SMIM26: variants seen among roughly 807,000 people sequenced by gnomAD.
The protein encoded by SMIM26 is small integral membrane protein 26.
Under a neutral mutation model 2.5 loss-of-function variants are expected in SMIM26, and 2 were observed. That is an observed-to-expected ratio of 0.80 (90% CI 0.33 to 2.53). The LOEUF is 2.53. Ranked by LOEUF, SMIM26 falls within the 30% of genes most tolerant of loss-of-function variation. The probability of loss-of-function intolerance (pLI) is 0.11; values close to 1 mark genes in which losing one functional copy is unlikely to be tolerated. For synonymous variants in SMIM26, 32 were observed against 17.8 expected (o/e 1.80, Z -2.01); for missense variants, 77 against 46.1 (o/e 1.67, Z -1.94).
chr20:18,569,568 C>CT, downstream of SMIM26: 1 of 524,026 alleles, frequency 1.9e-6, no homozygotes, highest in Admixed American at 3.4e-5. Context: ...AAACTATCTG[C>CT]GTTTTCTTTT....
chr20:18,567,477 C>G lies in SMIM26; in HGVS notation c.-2C>G, dbSNP rs1403094367. 6 of 703,066 alleles carry G rather than the reference C, an allele frequency of 8.5e-6. No individual in the cohort carries two copies. Among genetic ancestry groups the G allele is most frequent in the South Asian group, 5.9e-5 (4 of 67,598 alleles). 43.6% of individuals were successfully genotyped at this position (703,066 alleles called of 1,614,324 possible). A position where few individuals can be genotyped will look rare whatever the true frequency, so the allele number is the denominator to read the frequency against. On this transcript the variant is annotated 5_prime_UTR_variant, in exon 1 of 2. Coordinates refer to ENST00000411646, the MANE Select transcript of SMIM26 (RefSeq NM_001348957.2). ...AGAATCGAGGCACTCGCTGGCGTACCCATGTATCGAAATGAGTTCACGGCC... is the reference window on the plus strand; with the variant it reads ...AGAATCGAGGCACTCGCTGGCGTACGCATGTATCGAAATGAGTTCACGGCC...
In SMIM26 at chr20:18,567,466, C is replaced by G. The variant is rs1178677250; in HGVS notation, c.-13C>G. On this transcript the variant is annotated 5_prime_UTR_variant, in exon 1 of 2. Coordinates refer to ENST00000411646, the MANE Select transcript of SMIM26 (RefSeq NM_001348957.2). ...GTGGGCCTGCGAGAATCGAGGCACT[C>G]GCTGGCGTACCCATGTATCGAAATG... is the stretch of plus-strand genomic sequence containing the variant. 19 of 702,944 alleles carry G rather than the reference C, an allele frequency of 2.7e-5. No homozygotes were observed. Among genetic ancestry groups the G allele is most frequent in the African/African-American group, 5.2e-5 (3 of 57,280 alleles). 43.5% of individuals were successfully genotyped at this position (702,944 alleles called of 1,614,324 possible). A position where few individuals can be genotyped will look rare whatever the true frequency, so the allele number is the denominator to read the frequency against.
rs1284867553 is a variant in SMIM26, at chr20:18,569,464, C to T, written c.*59C>T. ...TCAACATTTAAATTTGATAGTTGCCCTGATTCCCATTTTGGGTTTGTGAAA... is the reference window on the plus strand; with the variant it reads ...TCAACATTTAAATTTGATAGTTGCCTTGATTCCCATTTTGGGTTTGTGAAA... On this transcript the variant is annotated 3_prime_UTR_variant, in exon 2 of 2. Transcript: ENST00000411646. 3 of 702,422 alleles carry T rather than the reference C, an allele frequency of 4.3e-6. No individual in the cohort carries two copies. The highest frequency in any genetic ancestry group is 7.8e-6 in the Non-Finnish European group (3 of 384,858). The allele number at this position is 702,422 out of a possible 1,614,324, so 43.5% of individuals were successfully genotyped here. A position where few individuals can be genotyped will look rare whatever the true frequency, so the allele number is the denominator to read the frequency against.
intron 1 of SMIM26, among the ~76,000 whole-genome samples, chr20:18,567,994 C>G (rs151314111): frequency 1.3e-5 from 2 of 152,082 alleles, no homozygotes; most frequent in Non-Finnish European, 2.9e-5. Flanking sequence ...TTAAAATCTT[C>G]CAGTTACTAA....
intron 1 of SMIM26, among the ~76,000 whole-genome samples, chr20:18,567,995 CA>C (rs1470637202): frequency 1.3e-5 from 2 of 151,994 alleles, no homozygotes; most frequent in African/African-American, 2.4e-5. Context: ...TAAAATCTTC[CA>C]GTTACTAAGC....
At chr20:18,567,702 T>G in intron 1 of SMIM26, 106 bp downstream of exon 1, 1 of 666,242 alleles carries the variant, frequency 1.5e-6, no homozygotes, top group Non-Finnish European at 2.7e-6. Flanking sequence ...AGGTTTATTC[T>G]GCAAAACTAA....
chr20:18,568,554 A>G (rs970741277), intron 1 of SMIM26: 1 of 151,354 alleles, frequency 6.6e-6, no homozygotes, highest in Non-Finnish European at 1.5e-5. Flanking sequence ...AATACTTTAC[A>G]TTTATATATA....
Position 18,569,505 on chromosome 20 carries a change from A to C in SMIM26, c.*100A>C. The C allele has an allele frequency of 1.4e-6, 1 of 694,308 alleles. No homozygotes were observed. Among genetic ancestry groups the C allele is most frequent in the East Asian group, 2.7e-5 (1 of 37,032 alleles). 43.0% of individuals were successfully genotyped at this position (694,308 alleles called of 1,614,324 possible). ...GTTTGTGAAAAGTGTATGTATTTAA[A>C]TTTGCTGTAAAACATAATCACTAAT... On this transcript the variant is annotated 3_prime_UTR_variant, in exon 2 of 2. Coordinates refer to ENST00000411646, the MANE Select transcript of SMIM26 (RefSeq NM_001348957.2).
Position 18,567,498 on chromosome 20 carries a change from C to T in SMIM26, c.20C>T (p.Thr7Met). 2.8e-6 allele frequency: 2 copies of T among 703,082 alleles called. No homozygotes were observed. Among genetic ancestry groups the T allele is most frequent in the African/African-American group, 1.7e-5 (1 of 57,396 alleles). 43.6% of individuals were successfully genotyped at this position (703,082 alleles called of 1,614,324 possible). The change falls in exon 1 of 2, where the codon ACG becomes ATG. Residue 7 changes from threonine (T) to methionine (M), a missense_variant. Physicochemically the swap from Thr to Met is moderately conservative, Grantham distance 81. Transcript: ENST00000411646. ...GTACCCATGTATCGAAATGAGTTCA[C>T]GGCCTGGTACCGGCGGATGTCGGTG... MYRNEF[T>M]AWYRRMSVVY... is the part of the protein sequence containing the mutation.
intron 1 of SMIM26, 45 bp downstream of exon 1, chr20:18,567,641 ATG>A (rs2060518378): frequency 4.4e-6 from 3 of 687,760 alleles, no homozygotes; most frequent in Non-Finnish European, 5.3e-6. Context: ...ACGGCCTTCG[ATG>A]AGAGTTCCCC....
In SMIM26 at chr20:18,567,612, G is replaced by C. The variant is rs1315996531; in HGVS notation, c.118+16G>C. The C allele has an allele frequency of 2.8e-6, 2 of 702,982 alleles. No individual in the cohort carries two copies. Among genetic ancestry groups the C allele is most frequent in the East Asian group, 2.7e-5 (1 of 37,282 alleles). 43.5% of individuals were successfully genotyped at this position (702,982 alleles called of 1,614,324 possible). A position where few individuals can be genotyped will look rare whatever the true frequency, so the allele number is the denominator to read the frequency against. ...AAGTCGTCAGGTAGGGCTCTTCGGC[G>C]GGGCCTGCCCCGGAACACACGGCCT... On this transcript the variant is annotated intron_variant, in intron 1 of 1. Coordinates refer to ENST00000411646, the MANE Select transcript of SMIM26 (RefSeq NM_001348957.2).
rs1403094367 is a variant in SMIM26 at position 18,567,477 on chromosome 20, C to T, written c.-2C>T. On this transcript the variant is annotated 5_prime_UTR_variant, in exon 1 of 2. Coordinates refer to ENST00000411646, the MANE Select transcript of SMIM26 (RefSeq NM_001348957.2). ...AGAATCGAGGCACTCGCTGGCGTAC[C>T]CATGTATCGAAATGAGTTCACGGCC... 4.3e-6 allele frequency: 3 copies of T among 702,948 alleles called. No individual in the cohort carries two copies. The highest frequency in any genetic ancestry group is 1.5e-5 in the South Asian group (1 of 67,602). 43.5% of individuals were successfully genotyped at this position (702,948 alleles called of 1,614,324 possible).
rs2060524777 is a variant in SMIM26 at position 18,569,500 on chromosome 20, T to C, written c.*95T>C. On this transcript the variant is annotated 3_prime_UTR_variant, in exon 2 of 2. Coordinates refer to ENST00000411646, the MANE Select transcript of SMIM26 (RefSeq NM_001348957.2). ...TTTGGGTTTGTGAAAAGTGTATGTA[T>C]TTAAATTTGCTGTAAAACATAATCA... The C allele has an allele frequency of 1.4e-6, 1 of 696,390 alleles. No individual in the cohort carries two copies. The highest frequency in any genetic ancestry group is 2.6e-6 in the Non-Finnish European group (1 of 382,028). The allele number at this position is 696,390 out of a possible 1,614,324, so 43.1% of individuals were successfully genotyped here.
intron 1 of SMIM26, chr20:18,568,524 T>A (rs990791567): frequency 1.3e-5 from 2 of 151,174 alleles, no homozygotes; most frequent in Non-Finnish European, 2.9e-5. Context: ...ATATTTACTT[T>A]ATATGTAATA....
chr20:18,568,913 T>G, intron 1 of SMIM26: 1 of 204,232 alleles, frequency 4.9e-6, no homozygotes, highest in Admixed American at 5.4e-5. Flanking sequence ...GTAGCTGGGG[T>G]TATAGGCCCA....
rs568715080 is a variant in SMIM26 at position 18,567,750 on chromosome 20, T to C, written c.118+154T>C. ...CTAACAGCCGTTTGTTATAATGGAATCTGCAAAGAACTAGACTCCAGGAAT... is the reference window on the plus strand; with the variant it reads ...CTAACAGCCGTTTGTTATAATGGAACCTGCAAAGAACTAGACTCCAGGAAT... On this transcript the variant is annotated intron_variant, in intron 1 of 1. Coordinates refer to ENST00000411646, the MANE Select transcript of SMIM26 (RefSeq NM_001348957.2). Among the ~76,000 whole-genome samples, 6 of 152,338 alleles carry C rather than the reference T, an allele frequency of 3.9e-5. No individual in the cohort carries two copies. The East Asian group carries it at 1.2e-3, about 29-fold the overall frequency.
In SMIM26 at chr20:18,567,520, G is replaced by A. The variant is rs2060517539; in HGVS notation, c.42G>A (p.Ser14=). Residue 14 remains serine, a synonymous_variant, in exon 1 of 2, where the codon TCG becomes TCA. Transcript: ENST00000411646. Reference sequence around the variant, plus strand: ...TCACGGCCTGGTACCGGCGGATGTCGGTGGTCTACGGGATCGGCACCTGGT... The same window carrying A: ...TCACGGCCTGGTACCGGCGGATGTCAGTGGTCTACGGGATCGGCACCTGGT... ...NEFTAWYRRM[S]VVYGIGTWSV... 4.3e-6 allele frequency: 3 copies of A among 702,924 alleles called. No homozygotes were observed. The highest frequency in any genetic ancestry group is 7.8e-6 in the Non-Finnish European group (3 of 385,014). 43.5% of individuals were successfully genotyped at this position (702,924 alleles called of 1,614,324 possible).
intron 1 of SMIM26, among the ~76,000 whole-genome samples, chr20:18,567,833 T>C (rs2060519372): frequency 6.6e-6 from 1 of 152,186 alleles, no homozygotes; most frequent in Non-Finnish European, 1.5e-5. Flanking sequence ...GATAGGGCCG[T>C]CCCCATATTC....
At position 18,567,542 on chromosome 20, in the gene SMIM26, T is replaced by C. The variant is rs2060517831; in HGVS notation, c.64T>C (p.Trp22Arg). ...RMSVVYGIGT[W>R]SVLGSLLYYS... is the part of the protein sequence containing the mutation. Reference sequence around the variant, plus strand: ...GTCGGTGGTCTACGGGATCGGCACCTGGTCTGTGTTGGGCTCACTGCTTTA... The same window carrying C: ...GTCGGTGGTCTACGGGATCGGCACCCGGTCTGTGTTGGGCTCACTGCTTTA... The change falls in exon 1 of 2, where the codon TGG becomes CGG. Residue 22 changes from tryptophan (W) to arginine (R), a missense_variant. Trp to Arg is a moderately radical substitution (Grantham distance 101, BLOSUM62 -3). Coordinates refer to ENST00000411646, the MANE Select transcript of SMIM26 (RefSeq NM_001348957.2). 7.1e-6 allele frequency: 5 copies of C among 702,848 alleles called. No homozygotes were observed. Among genetic ancestry groups the C allele is most frequent in the Non-Finnish European group, 1.3e-5 (5 of 385,006 alleles). 43.5% of individuals were successfully genotyped at this position (702,848 alleles called of 1,614,324 possible).
Sources: gnomAD v4.1 joint callset for allele counts (sites outside exome capture counted in the v4.1 genomes callset) on GRCh38, gnomAD v4.1.1 for gene constraint, MANE v1.5 for transcripts, NCBI Gene and HGNC (gene_info 2026-07-23, HGNC 2026-07-21) for gene names.